The following TPTE2 variants were observed in gnomAD, a reference collection of about 807,000 sequenced individuals.
TPTE2 encodes the protein phosphatidylinositol 3,4,5-trisphosphate 3-phosphatase TPTE2.
Under a neutral mutation model 78.6 loss-of-function variants are expected in TPTE2, and 53 were observed. That is an observed-to-expected ratio of 0.67 (90% confidence interval 0.54 to 0.85). The LOEUF is 0.85. Ranked by LOEUF, TPTE2 falls within the 40% of genes least tolerant of loss-of-function variation. The pLI is 0.00. For missense variants in TPTE2, 461 were observed against 623.0 expected (o/e 0.74, Z 2.77); for synonymous variants, 175 against 206.2 (o/e 0.85, Z 1.30).
chr13:19,551,522 G>C, the TPTE2 span, among the ~76,000 whole-genome samples: 1 of 152,064 alleles, frequency 6.6e-6, no homozygotes, highest in Non-Finnish European at 1.5e-5. Flanking sequence ...GGAGGCAAAG[G>C]TTGCAGTGAG....
intron 3 of TPTE2, among the ~76,000 whole-genome samples, chr13:19,488,924 G>A (rs1220813096): frequency 6.6e-6 from 1 of 152,082 alleles, no homozygotes; most frequent in African/African-American, 2.4e-5. Context: ...ATCATTTCTA[G>A]CTTTTGGTTT....
the TPTE2 span, among the ~76,000 whole-genome samples, chr13:19,553,861 A>G: frequency 3.3e-5 from 5 of 152,334 alleles, no homozygotes; most frequent in African/African-American, 1.2e-4. Context: ...TATAACTGGC[A>G]GTTTCATGGA....
intron 13 of TPTE2, among the ~76,000 whole-genome samples, chr13:19,439,404 A>G (rs1359032827): frequency 6.6e-6 from 1 of 152,100 alleles, no homozygotes; most frequent in African/African-American, 2.4e-5. Flanking sequence ...TCTAGGGAGA[A>G]GGGAAAGGGA....
At chr13:19,559,537 GGC>G in the TPTE2 span, among the ~76,000 whole-genome samples, 1 of 146,798 alleles carries the variant, frequency 6.8e-6, no homozygotes, top group Non-Finnish European at 1.5e-5. Context: ...ATTGCTTCAA[GGC>G]CGGGCACTAA....
At chr13:19,501,940 C>T (rs1868591708) in intron 1 of TPTE2, among the ~76,000 whole-genome samples, 1 of 150,608 alleles carries the variant, frequency 6.6e-6, no homozygotes, top group Admixed American at 6.6e-5. Flanking sequence ...TGAACTCAAA[C>T]AAATTTACAA....
chr13:19,464,849 C>T (rs1405532350), intron 9 of TPTE2, among the ~76,000 whole-genome samples: 1 of 152,198 alleles, frequency 6.6e-6, no homozygotes, highest in Admixed American at 6.5e-5. Context: ...TTCTGGGCAC[C>T]AGTGACGGTG....
chr13:19,433,618 C>T (rs924394522), intron 15 of TPTE2, among the ~76,000 whole-genome samples: 2 of 152,142 alleles, frequency 1.3e-5, no homozygotes, highest in Non-Finnish European at 2.9e-5. Context: ...TAGAAAGGGC[C>T]AGTCATGAGA....
chr13:19,510,401 C>T (rs1869356435), intron 1 of TPTE2, among the ~76,000 whole-genome samples: 1 of 148,840 alleles, frequency 6.7e-6, no homozygotes, highest in Non-Finnish European at 1.5e-5. Context: ...GTGCAGAGAT[C>T]AAATGGCAAG....
intron 15 of TPTE2, among the ~76,000 whole-genome samples, chr13:19,433,432 G>T (rs948617969): frequency 6.6e-6 from 1 of 152,194 alleles, no homozygotes; most frequent in African/African-American, 2.4e-5. Flanking sequence ...GAACCCAAGA[G>T]GTCGAGGTTG....
intron 19 of TPTE2, among the ~76,000 whole-genome samples, chr13:19,423,684 C>A (rs1037837819): frequency 1.3e-5 from 2 of 152,070 alleles, no homozygotes; most frequent in African/African-American, 4.8e-5. Context: ...GCATTTTTGG[C>A]TAAACAACAA....
At chr13:19,463,416 T>C (rs977011674) in intron 10 of TPTE2, among the ~76,000 whole-genome samples, 1 of 152,242 alleles carries the variant, frequency 6.6e-6, no homozygotes, top group African/African-American at 2.4e-5. Flanking sequence ...GATTTGTCTA[T>C]CTGTATTCTC....
Position 19,449,966 on chromosome 13 carries a change from A to G in TPTE2, c.973+110T>C, listed in dbSNP as rs1878069710. The G allele has an allele frequency of 2.7e-6, 3 of 1,112,402 alleles. No individual in the cohort carries two copies. In the Admixed American group the frequency reaches 7.8e-5, roughly 29 times the overall value. 68.9% of individuals were successfully genotyped at this position (1,112,402 alleles called of 1,614,324 possible). ...TCAGTCTTGGAGCTAATATTTAAAA[A>G]TGCTAACAATTATTAATACATATTA... is the stretch of plus-strand genomic sequence containing the variant. On this transcript the variant is annotated intron_variant, in intron 13 of 19. Coordinates refer to ENST00000400230, the Ensembl canonical transcript of TPTE2.
At chr13:19,498,747 G>A (rs536285689) in intron 1 of TPTE2, among the ~76,000 whole-genome samples, 56 of 150,272 alleles carry the variant, frequency 3.7e-4, no homozygotes, top group African/African-American at 1.2e-3. Context: ...CAACTAACGC[G>A]CAAAAAAACC....
intron 17 of TPTE2, among the ~76,000 whole-genome samples, chr13:19,427,602 A>T (rs1876230134): frequency 6.6e-6 from 1 of 152,216 alleles, no homozygotes; most frequent in African/African-American, 2.4e-5. Flanking sequence ...TTTAAAAAAT[A>T]ACAACAGGGG....
chr13:19,467,786 T>C (rs1037492703), intron 6 of TPTE2, among the ~76,000 whole-genome samples: 3 of 151,914 alleles, frequency 2.0e-5, no homozygotes, highest in Non-Finnish European at 4.4e-5. Flanking sequence ...ACTCATTCTA[T>C]TTTTTTGTAC....
chr13:19,493,374 T>C (rs1881123451), intron 2 of TPTE2, 74 bp downstream of exon 5: 4 of 1,359,170 alleles, frequency 2.9e-6, no homozygotes, highest in South Asian at 2.3e-5. Flanking sequence ...TATTTGCTCA[T>C]ATGCCTGTGT....
chr13:19,544,457 G>GA, the TPTE2 span, among the ~76,000 whole-genome samples: 1 of 151,118 alleles, frequency 6.6e-6, no homozygotes, highest in Non-Finnish European at 1.5e-5. Flanking sequence ...TAACGCAAAG[G>GA]AAAAAAAGAG....
chr13:19,473,988 C>T, exon 6 of TPTE2: 1 of 1,609,230 alleles, frequency 6.2e-7, no homozygotes, highest in Non-Finnish European at 8.5e-7. Context: ...AACGATACTC[C>T]AAAGGAATAT....
intron 10 of TPTE2, chr13:19,458,568 C>A: frequency 2.4e-6 from 1 of 419,046 alleles, no homozygotes; most frequent in East Asian, 6.5e-5. Context: ...TTATCAGTCT[C>A]TGTGTAAGAT....
Sources: gnomAD v4.1 joint callset for allele counts (sites outside exome capture counted in the v4.1 genomes callset) on GRCh38, gnomAD v4.1.1 for gene constraint, MANE v1.5 for transcripts, NCBI Gene and HGNC (gene_info 2026-07-23, HGNC 2026-07-21) for gene names.